The following CCDC33 variants were observed in gnomAD, a reference collection of about 807,000 sequenced individuals.
The protein encoded by CCDC33 is coiled-coil domain-containing protein 33.
Under a neutral mutation model 91.9 loss-of-function variants are expected in CCDC33, and 94 were observed. The observed-to-expected ratio is 1.02, with a 90% CI of 0.87 to 1.21. The LOEUF is 1.21. CCDC33 is among the 50% of genes most tolerant of loss of function. CCDC33 has a pLI of 0.00. For missense variants in CCDC33, 940 were observed against 935.5 expected, an observed-to-expected ratio of 1.00 and a Z score of -0.06; for synonymous variants, 396 against 374.5, an observed-to-expected ratio of 1.06 and a Z score of -0.66.
intron 1 of CCDC33, chr15:74,208,802 C>T: frequency 1.0e-6 from 1 of 989,088 alleles, no homozygotes; most frequent in South Asian, 4.7e-5. Context: ...CAGCCTACCT[C>T]CAATCAAGCG....
At chr15:74,294,030 T>A (rs2059633160) in intron 10 of CCDC33, among the ~76,000 whole-genome samples, 1 of 152,234 alleles carries the variant, frequency 6.6e-6, no homozygotes, top group South Asian at 2.1e-4. Context: ...GGTCCTTGTC[T>A]CAATTCATTG....
At chr15:74,239,019 G>C (rs1341419817) in intron 1 of CCDC33, among the ~76,000 whole-genome samples, 3 of 152,210 alleles carry the variant, frequency 2.0e-5, no homozygotes, top group Non-Finnish European at 4.4e-5. Flanking sequence ...AAACTAGAAG[G>C]AACATGGGGG....
intron 7 of CCDC33, 121 bp from the exon 8 acceptor site, chr15:74,279,842 G>C (rs2076545391): frequency 7.2e-7 from 1 of 1,385,202 alleles, no homozygotes; most frequent in Admixed American, 2.2e-5. Flanking sequence ...CAGCCAGCTT[G>C]CTTTTATAGT....
chr15:74,293,968 G>A (rs991348976), intron 10 of CCDC33, among the ~76,000 whole-genome samples: 2 of 152,176 alleles, frequency 1.3e-5, no homozygotes, highest in Admixed American at 1.3e-4. Context: ...AATTTTATTT[G>A]AAAGGGGCAT....
intron 13 of CCDC33, 24 bp from the exon 14 acceptor site, chr15:74,330,957 C>G (rs376005144): frequency 1.3e-6 from 2 of 1,565,566 alleles, no homozygotes; most frequent in African/African-American, 2.7e-5. Context: ...ATTCTCTCCC[C>G]TTCTCTCCTC....
intron 2 of CCDC33, among the ~76,000 whole-genome samples, chr15:74,251,775 C>T (rs2075716927): frequency 6.6e-6 from 1 of 152,182 alleles, no homozygotes; most frequent in African/African-American, 2.4e-5. Flanking sequence ...TGGTCACAGA[C>T]TGAGGCTGGC....
intron 10 of CCDC33, among the ~76,000 whole-genome samples, chr15:74,285,257 T>C (rs534208833): frequency 6.6e-6 from 1 of 152,306 alleles, no homozygotes; most frequent in East Asian, 1.9e-4. Context: ...TAATTGGACA[T>C]TTTGGTGAAC....
chr15:74,215,553 A>T (rs1187069695), upstream of CCDC33, among the ~76,000 whole-genome samples: 2 of 151,946 alleles, frequency 1.3e-5, no homozygotes, highest in Non-Finnish European at 2.9e-5. Flanking sequence ...ATTTTTTTTT[A>T]AAAAGTAACT....
chr15:74,249,148 A>G (rs2629733), intron 2 of CCDC33, among the ~76,000 whole-genome samples: 149,922 of 152,222 alleles, frequency 0.98, 73,889 homozygotes, highest in East Asian at 1. Context: ...AAAATAGCTC[A>G]TTTTGTCTGT....
chr15:74,292,186 C>T (rs1051580207), intron 10 of CCDC33, among the ~76,000 whole-genome samples: 1 of 152,210 alleles, frequency 6.6e-6, no homozygotes, highest in Non-Finnish European at 1.5e-5. Context: ...CCCACCTTAC[C>T]TGGAGGAAAG....
At chr15:74,248,018 G>A (rs1327917432) in intron 2 of CCDC33, among the ~76,000 whole-genome samples, 3 of 151,982 alleles carry the variant, frequency 2.0e-5, no homozygotes, top group African/African-American at 4.8e-5. Flanking sequence ...TGGAGGTTGC[G>A]CTGAGCCGAG....
intron 11 of CCDC33, among the ~76,000 whole-genome samples, chr15:74,305,294 G>C (rs2059873152): frequency 6.6e-6 from 1 of 152,182 alleles, no homozygotes; most frequent in Non-Finnish European, 1.5e-5. Flanking sequence ...CACTTCTAAG[G>C]GTTGAATACT....
At chr15:74,215,874 C>CAAAA (rs55927800), upstream of CCDC33, among the ~76,000 whole-genome samples, 6 of 27,608 alleles carry the variant, frequency 2.2e-4, no homozygotes, top group Non-Finnish European at 5.0e-4. Context: ...TCGATCTCAC[C>CAAAA]AAAAAAAAAA....
In CCDC33 at chr15:74,224,167, C is replaced by T. The variant is rs139161080; in HGVS notation, c.675+5306C>T. ...GAGAGAGAGGTGGGGCAGGCAGGTGCTGGCCCTGGGGAGGCTGGGGTGGGG... is the reference window on the plus strand; with the variant it reads ...GAGAGAGAGGTGGGGCAGGCAGGTGTTGGCCCTGGGGAGGCTGGGGTGGGG... On this transcript the variant is annotated intron_variant, in intron 2 of 2. Coordinates refer to the CCDC33 transcript ENST00000635913. Among the ~76,000 whole-genome samples the T allele has an allele frequency of 8.9e-4, 136 of 152,246 alleles. No homozygotes were observed. In the Middle Eastern group the frequency reaches 0.01, roughly 11 times the overall value.
At chr15:74,266,850 C>G in intron 4 of CCDC33, 63 bp downstream of exon 4, 1 of 1,259,904 alleles carries the variant, frequency 7.9e-7, no homozygotes, top group South Asian at 1.2e-5. Flanking sequence ...ATGTCCCCAG[C>G]TATTCCCTCG....
At chr15:74,233,429 C>A (rs1407897504), upstream of CCDC33, among the ~76,000 whole-genome samples, 1 of 152,242 alleles carries the variant, frequency 6.6e-6, no homozygotes, top group Admixed American at 6.5e-5. Context: ...CGCTCTGAAT[C>A]CACCGGCTGC....
intron 1 of CCDC33, among the ~76,000 whole-genome samples, chr15:74,205,021 G>A (rs979261773): frequency 7.2e-5 from 11 of 152,198 alleles, no homozygotes; most frequent in East Asian, 3.8e-4. Flanking sequence ...GTTTGGCAGC[G>A]AGCAAGATGA....
chr15:74,230,643 TC>T (rs1307055943), intron 2 of CCDC33, among the ~76,000 whole-genome samples: 4 of 152,166 alleles, frequency 2.6e-5, no homozygotes, highest in Non-Finnish European at 5.9e-5. Context: ...CACACTCTAC[TC>T]GTCACCCCCA....
intron 2 of CCDC33, among the ~76,000 whole-genome samples, chr15:74,248,859 T>A (rs572685432): frequency 3.9e-5 from 6 of 152,256 alleles, no homozygotes; most frequent in African/African-American, 1.4e-4. Flanking sequence ...ATATAGCTTC[T>A]CTGTAGTCAC....
Sources: gnomAD v4.1 joint callset for allele counts (sites outside exome capture counted in the v4.1 genomes callset) on GRCh38, gnomAD v4.1.1 for gene constraint, MANE v1.5 for transcripts, NCBI Gene and HGNC (gene_info 2026-07-23, HGNC 2026-07-21) for gene names.